KMT2E: variants seen among roughly 807,000 people sequenced by gnomAD.
KMT2E encodes the protein lysine methyltransferase 2E (inactive).
KMT2E carries 30 observed loss-of-function variants against 184.6 expected under a neutral mutation model. The observed-to-expected ratio is 0.16, with a 90% CI of 0.12 to 0.22. KMT2E has a LOEUF of 0.22. KMT2E is among the 10% of genes least tolerant of loss of function. The pLI is 1.00. For synonymous variants in KMT2E, 815 were observed against 776.5 expected (o/e 1.05, Z -0.82); for missense variants, 2,023 against 2,237.4 (o/e 0.90, Z 1.93).
In KMT2E at chr7:105,020,328, C is replaced by T. The variant is rs181628408; in HGVS notation, c.-189+5793C>T. 2.7e-3 allele frequency among the ~76,000 whole-genome samples: 409 copies of T among 152,038 alleles called. 1 individual carries two copies. Among genetic ancestry groups the T allele is most frequent in the Admixed American group, 8.0e-3 (122 of 15,280 alleles). On this transcript the variant is annotated intron_variant, in intron 1 of 26. Coordinates refer to ENST00000311117, the MANE Select transcript of KMT2E (RefSeq NM_182931.3). ...TCACTTGGCCTGGCATGGTGGCTCA[C>T]GCTTGTAATCCCAGCACTTTGGGAG...
intron 3 of KMT2E, among the ~76,000 whole-genome samples, chr7:105,057,697 C>T (rs1458399220): frequency 2.6e-5 from 4 of 152,232 alleles, no homozygotes; most frequent in Non-Finnish European, 2.9e-5. Context: ...AAGTGATCCT[C>T]CCTTTTGGCC....
chr7:105,112,824 C>A lies in KMT2E; in HGVS notation c.5068C>A (p.His1690Asn). Reference sequence around the variant, plus strand: ...ACCCCCTCCTGGTCCTGCCCCTCATCACCATCCACCACCCCATCCATCCAC... The same window carrying A: ...ACCCCCTCCTGGTCCTGCCCCTCATAACCATCCACCACCCCATCCATCCAC... ...PPPPPGPAPH[H>N]HPPPHPSTGL... The change falls in exon 27 of 27, where the codon CAC becomes AAC. Residue 1690 changes from histidine (H) to asparagine (N), a missense_variant. Around this residue, in one of 8 missense-constraint regions of KMT2E, gnomAD observed 1,108 missense variants for 1,050.9 expected, o/e 1.05. Transcript: ENST00000311117. 3 of 1,456,608 alleles carry A rather than the reference C, an allele frequency of 2.1e-6. No individual in the cohort carries two copies. Among genetic ancestry groups the A allele is most frequent in the Non-Finnish European group, 2.8e-6 (3 of 1,065,754 alleles). 90.2% of individuals were successfully genotyped at this position (1,456,608 alleles called of 1,614,324 possible).
chr7:105,094,659 A>T (rs1452282223), intron 15 of KMT2E, among the ~76,000 whole-genome samples: 1 of 152,084 alleles, frequency 6.6e-6, no homozygotes, highest in Non-Finnish European at 1.5e-5. Context: ...TCCCAGATAA[A>T]CTCCATGTAA....
At chr7:105,086,903 A>G (rs868484832) in intron 13 of KMT2E, among the ~76,000 whole-genome samples, 9 of 79,302 alleles carry the variant, frequency 1.1e-4, no homozygotes, top group African/African-American at 1.4e-4. Flanking sequence ...CATATATATT[A>G]TATATTATAT....
rs1264938194 is a variant in KMT2E, at chr7:105,113,364, T to C, written c.*31T>C. ...ACTCCAAAAACATTTTTTTAAATGTTCTGTAAGATAAACTGTATATTTCAT... is the reference window on the plus strand; with the variant it reads ...ACTCCAAAAACATTTTTTTAAATGTCCTGTAAGATAAACTGTATATTTCAT... On this transcript the variant is annotated 3_prime_UTR_variant, in exon 27 of 27. Coordinates refer to ENST00000311117, the MANE Select transcript of KMT2E (RefSeq NM_182931.3). 1.3e-6 allele frequency: 2 copies of C among 1,582,760 alleles called. No individual in the cohort carries two copies.
intron 3 of KMT2E, among the ~76,000 whole-genome samples, chr7:105,052,571 A>G (rs971597420): frequency 6.6e-6 from 1 of 151,244 alleles, no homozygotes; most frequent in African/African-American, 2.4e-5. Context: ...TTTTATTTTT[A>G]TTTCTGAGAA....
chr7:105,041,335 A>G (rs1795870775), intron 3 of KMT2E, among the ~76,000 whole-genome samples: 1 of 152,102 alleles, frequency 6.6e-6, no homozygotes, highest in Non-Finnish European at 1.5e-5. Context: ...ATAGTATTTG[A>G]TATTGTTATT....
In KMT2E at chr7:105,107,541, T is replaced by C. The variant is rs1399595304; in HGVS notation, c.3084T>C (p.Asp1028=). 2 of 1,614,182 alleles carry C rather than the reference T, an allele frequency of 1.2e-6. No individual in the cohort carries two copies. Among genetic ancestry groups the C allele is most frequent in the Admixed American group, 1.7e-5 (1 of 60,016 alleles). The change falls in exon 22 of 27, where the codon GAT becomes GAC. Residue 1028 remains aspartate (D), a synonymous_variant. Transcript: ENST00000311117. ...EPVSDLQLGL[D]AVEPTALHKT... The stretch of plus-strand genomic sequence containing the variant: ...TGTCAGACCTTCAGCTAGGACTCGA[T>C]GCAGTTGAGCCAACTGCCCTACATA...
intron 3 of KMT2E, among the ~76,000 whole-genome samples, chr7:105,059,744 G>A (rs1178223787): frequency 6.6e-6 from 1 of 152,024 alleles, no homozygotes; most frequent in Non-Finnish European, 1.5e-5. Context: ...CAAAAATTGT[G>A]TAGATATAAT....
In KMT2E at chr7:105,048,839, C is replaced by T. The variant is rs141132953; in HGVS notation, c.71+7816C>T. ...ATCAGGAAGCAGGCTGGATTTGACC[C>T]AGGGTTCTAGTTTGCCTACCACTTA... On this transcript the variant is annotated intron_variant, in intron 3 of 26. Coordinates refer to ENST00000311117, the MANE Select transcript of KMT2E (RefSeq NM_182931.3). Among the ~76,000 whole-genome samples the T allele has an allele frequency of 3.7e-3, 570 of 152,292 alleles. 1 individual carries two copies. Among genetic ancestry groups the T allele is most frequent in the African/African-American group, 0.013 (541 of 41,576 alleles).
rs1428773478 is a variant in KMT2E at position 105,070,344 on chromosome 7, T to C, written c.498-3275T>C. Among the ~76,000 whole-genome samples the C allele has an allele frequency of 3.3e-5, 5 of 152,066 alleles. No homozygotes were observed. In the East Asian group the frequency reaches 5.8e-4, roughly 18 times the overall value. On this transcript the variant is annotated intron_variant, in intron 6 of 26. Coordinates refer to ENST00000311117, the MANE Select transcript of KMT2E (RefSeq NM_182931.3). Reference sequence around the variant, plus strand: ...ATCAGTAATTTTTGTTTTTTAAGAATTGTTGGTTGGGCGCAGTGGCTCACA... The same window carrying C: ...ATCAGTAATTTTTGTTTTTTAAGAACTGTTGGTTGGGCGCAGTGGCTCACA...
Position 105,107,878 on chromosome 7 carries a change from T to C in KMT2E, c.3421T>C (p.Leu1141=), listed in dbSNP as rs746229415. 1.2e-6 allele frequency: 2 copies of C among 1,613,934 alleles called. No individual in the cohort carries two copies. Among genetic ancestry groups the C allele is most frequent in the Non-Finnish European group, 1.7e-6 (2 of 1,179,984 alleles). The change falls in exon 22 of 27, where the codon TTG becomes CTG. Residue 1141 remains leucine, a synonymous_variant. Coordinates refer to ENST00000311117, the MANE Select transcript of KMT2E (RefSeq NM_182931.3). ...SGFGRTVNDN[L]IDGNCTPQNP... is the part of the protein sequence containing the mutation. ...TTTCGGACGGACTGTTAATGACAAT[T>C]TGATCGACGGGAATTGCACACCCCA...
chr7:105,076,775 C>T (rs1385086073), intron 9 of KMT2E, among the ~76,000 whole-genome samples, 188 bp from the exon 10 acceptor site: 1 of 151,940 alleles, frequency 6.6e-6, no homozygotes, highest in Non-Finnish European at 1.5e-5. Flanking sequence ...TATCTTTTGT[C>T]CCTGTGGTAT....
Position 105,041,860 on chromosome 7 carries a change from A to G in KMT2E, c.71+837A>G, listed in dbSNP as rs76229816. On this transcript the variant is annotated intron_variant, in intron 3 of 26. Coordinates refer to ENST00000311117, the MANE Select transcript of KMT2E (RefSeq NM_182931.3). ...ACACTTAATCGACTATGAAGAAACT[A>G]TTTTTTTTTCTGCTGCTTTTAAAGT... Among the ~76,000 whole-genome samples the G allele has an allele frequency of 4.0e-4, 61 of 151,124 alleles. No individual in the cohort carries two copies. In the East Asian group the frequency reaches 6.6e-3, roughly 16 times the overall value.
intron 15 of KMT2E, among the ~76,000 whole-genome samples, chr7:105,099,969 A>ATT (rs1301759797): frequency 2.0e-5 from 3 of 152,194 alleles, no homozygotes; most frequent in African/African-American, 7.2e-5. Context: ...GGTAAAGGTA[A>ATT]TTTAAAAGCC....
At chr7:105,029,425 A>G (rs996836175) in intron 1 of KMT2E, among the ~76,000 whole-genome samples, 3 of 152,248 alleles carry the variant, frequency 2.0e-5, no homozygotes, top group Non-Finnish European at 2.9e-5. Context: ...TTAAAATAGA[A>G]TAGTTGTACT....
intron 1 of KMT2E, among the ~76,000 whole-genome samples, chr7:105,033,166 T>C (rs985217084): frequency 6.6e-6 from 1 of 152,198 alleles, no homozygotes; most frequent in African/African-American, 2.4e-5. Context: ...CTAACAATTA[T>C]TGGTTAAAGC....
chr7:105,087,298 A>T (rs1211559333), intron 13 of KMT2E, among the ~76,000 whole-genome samples: 1 of 147,552 alleles, frequency 6.8e-6, no homozygotes, highest in Non-Finnish European at 1.5e-5. Context: ...TAATATATAT[A>T]ATATATAAAT....
At chr7:105,039,546 CTATT>C (rs1795796913) in intron 2 of KMT2E, among the ~76,000 whole-genome samples, 1 of 152,072 alleles carries the variant, frequency 6.6e-6, no homozygotes, top group South Asian at 2.1e-4. Context: ...TTGAAAATAT[CTATT>C]TAGGTTAATT....
Sources: allele counts gnomAD v4.1 joint callset (sites outside exome capture counted in the v4.1 genomes callset), GRCh38; gene constraint gnomAD v4.1.1; regional missense constraint gnomAD v4.1.1; transcripts MANE v1.5; gene names NCBI Gene and HGNC (gene_info 2026-07-23, HGNC 2026-07-21).